The following SH3RF3 variants were observed in gnomAD, a reference collection of about 807,000 sequenced individuals.
SH3RF3 encodes E3 ubiquitin-protein ligase SH3RF3.
Under a neutral mutation model 66.3 loss-of-function variants are expected in SH3RF3, and 29 were observed. The observed-to-expected ratio is 0.44, with a 90% CI of 0.33 to 0.60. The LOEUF is 0.60. Among genes scored for constraint, SH3RF3 ranks in the 20% least tolerant of loss-of-function variants. The pLI is 0.04. For missense variants in SH3RF3, 1,194 were observed against 1,190.9 expected (o/e 1.00, Z -0.04); for synonymous variants, 583 against 532.0 (o/e 1.10, Z -1.32).
At chr2:109,214,474 A>AG (rs930849866) in intron 1 of SH3RF3, among the ~76,000 whole-genome samples, 7 of 119,930 alleles carry the variant, frequency 5.8e-5, no homozygotes, top group African/African-American at 2.1e-4. Flanking sequence ...TAGAAAAGAG[A>AG]AAAAAAAAAA....
chr2:109,221,703 A>G (rs1363734871), intron 1 of SH3RF3, among the ~76,000 whole-genome samples: 1 of 152,030 alleles, frequency 6.6e-6, no homozygotes, highest in Non-Finnish European at 1.5e-5. Flanking sequence ...TCCTTCCCCA[A>G]TTTTTAATGG....
intron 1 of SH3RF3, among the ~76,000 whole-genome samples, chr2:109,288,714 C>G (rs893587131): frequency 9.2e-5 from 14 of 152,184 alleles, no homozygotes; most frequent in Admixed American, 2.0e-4. Flanking sequence ...CTGGACCTGA[C>G]CCCTGTCTTA....
chr2:109,360,168 C>A (rs1683027085), intron 2 of SH3RF3, among the ~76,000 whole-genome samples: 1 of 152,100 alleles, frequency 6.6e-6, no homozygotes, highest in African/African-American at 2.4e-5. Flanking sequence ...TGTTTAACAG[C>A]TGATACAGGT....
chr2:109,435,372 C>T (rs1677370845), intron 6 of SH3RF3, among the ~76,000 whole-genome samples: 1 of 152,262 alleles, frequency 6.6e-6, no homozygotes, highest in Non-Finnish European at 1.5e-5. Context: ...GCCAAAGCCA[C>T]ACAGCAGAAG....
intron 1 of SH3RF3, among the ~76,000 whole-genome samples, chr2:109,134,748 C>A (rs559073116): frequency 6.6e-6 from 1 of 152,276 alleles, no homozygotes; most frequent in South Asian, 2.1e-4. Context: ...TCGTTGGTAG[C>A]ACGATTCTAA....
chr2:109,145,850 G>A (rs1311921275), intron 1 of SH3RF3, among the ~76,000 whole-genome samples: 1 of 152,150 alleles, frequency 6.6e-6, no homozygotes, highest in Non-Finnish European at 1.5e-5. Context: ...AGGCTGAAAG[G>A]CAGGACGGAG....
At chr2:109,412,427 T>C (rs570063956) in intron 4 of SH3RF3, among the ~76,000 whole-genome samples, 2 of 152,340 alleles carry the variant, frequency 1.3e-5, no homozygotes, top group Non-Finnish European at 2.9e-5. Flanking sequence ...AGCTTGGCTG[T>C]TTCTGGAGCA....
At chr2:109,497,230 C>A (rs1286391476) in intron 9 of SH3RF3, among the ~76,000 whole-genome samples, 1 of 152,180 alleles carries the variant, frequency 6.6e-6, no homozygotes, top group Non-Finnish European at 1.5e-5. Flanking sequence ...GTATTCTTAT[C>A]CCCAAGTTCC....
At chr2:109,170,280 T>TCC (rs778698006) in intron 1 of SH3RF3, among the ~76,000 whole-genome samples, 1 of 130,808 alleles carries the variant, frequency 7.6e-6, no homozygotes, top group Non-Finnish European at 1.7e-5. Flanking sequence ...TTCTCTTCTC[T>TCC]TCTCTTCTCT....
chr2:109,496,045 G>C (rs1278541540), intron 9 of SH3RF3, among the ~76,000 whole-genome samples: 1 of 152,168 alleles, frequency 6.6e-6, no homozygotes, highest in Non-Finnish European at 1.5e-5. Context: ...ACATGGAAGG[G>C]GACCCACCGG....
At chr2:109,169,017 A>G (rs1378225840) in intron 1 of SH3RF3, among the ~76,000 whole-genome samples, 1 of 152,214 alleles carries the variant, frequency 6.6e-6, no homozygotes, top group Non-Finnish European at 1.5e-5. Context: ...AGTTTGCCTA[A>G]CAGGACTCTC....
chr2:109,490,494 A>G (rs892173346), intron 8 of SH3RF3, 111 bp from the exon 9 acceptor site: 3 of 948,308 alleles, frequency 3.2e-6, no homozygotes, highest in Non-Finnish European at 4.3e-6. Flanking sequence ...CTGAAAAAAT[A>G]AGAAATTTAA....
chr2:109,358,122 C>A (rs545302433), intron 2 of SH3RF3, among the ~76,000 whole-genome samples: 1 of 152,218 alleles, frequency 6.6e-6, no homozygotes, highest in African/African-American at 2.4e-5. Flanking sequence ...TTTCCCAGAA[C>A]GTCATACGGT....
chr2:109,449,084 C>T, intron 7 of SH3RF3, 86 bp from the exon 8 acceptor site: 1 of 1,463,510 alleles, frequency 6.8e-7, no homozygotes, highest in Non-Finnish European at 9.2e-7. Flanking sequence ...GAGAAGGGAG[C>T]CTGAGTGTGC....
chr2:109,362,054 ATTG>A (rs1683059241), intron 2 of SH3RF3, among the ~76,000 whole-genome samples: 2 of 151,424 alleles, frequency 1.3e-5, no homozygotes, highest in South Asian at 2.1e-4. Context: ...ATTTTTCTCT[ATTG>A]TTTTCAATTT....
intron 1 of SH3RF3, among the ~76,000 whole-genome samples, chr2:109,185,566 T>A (rs1678165630): frequency 6.6e-6 from 1 of 152,194 alleles, no homozygotes; most frequent in South Asian, 2.1e-4. Context: ...GGAGTCTCTG[T>A]CTCTTTGGCC....
At chr2:109,133,334 C>T (rs1400755145) in intron 1 of SH3RF3, among the ~76,000 whole-genome samples, 1 of 152,212 alleles carries the variant, frequency 6.6e-6, no homozygotes, top group African/African-American at 2.4e-5. Context: ...TTGAAAATCT[C>T]TTCTGTGTCT....
intron 1 of SH3RF3, among the ~76,000 whole-genome samples, chr2:109,139,306 ACTGAC>A (rs1676883887): frequency 6.6e-6 from 1 of 151,848 alleles, no homozygotes. Context: ...AGCCAATGAG[ACTGAC>A]CTTTTTTTTT....
At chr2:109,350,312 A>T (rs1682812113) in intron 2 of SH3RF3, among the ~76,000 whole-genome samples, 1 of 152,232 alleles carries the variant, frequency 6.6e-6, no homozygotes, top group Admixed American at 6.5e-5. Context: ...GAGGCCCAGC[A>T]TCTCCTGTTA....
Sources: allele counts gnomAD v4.1 joint callset (sites outside exome capture counted in the v4.1 genomes callset), GRCh38; gene constraint gnomAD v4.1.1; transcripts MANE v1.5; gene names NCBI Gene and HGNC (gene_info 2026-07-23, HGNC 2026-07-21).